Variants in PRKAR1A observed in about 807,000 individuals in gnomAD.
PRKAR1A encodes protein kinase cAMP-dependent type I regulatory subunit alpha, also known as cAMP-dependent protein kinase type I-alpha regulatory subunit.
A neutral mutation model predicts 52.0 loss-of-function variants in PRKAR1A; 3 were observed. The ratio of observed to expected loss-of-function variants is 0.06; its 90% CI spans 0.03 to 0.15. The LOEUF (loss-of-function observed/expected upper bound fraction) is 0.15, where lower values mean the gene tolerates loss of function less well. Ranked by LOEUF, PRKAR1A falls within the 10% of genes least tolerant of loss-of-function variation. The pLI is 1.00. For missense variants in PRKAR1A, 240 were observed against 477.4 expected (o/e 0.50, Z 4.63); for synonymous variants, 188 against 168.4 (o/e 1.12, Z -0.90).
chr17:68,529,210 G>C (rs2085887932), intron 9 of PRKAR1A, among the ~76,000 whole-genome samples: 1 of 152,060 alleles, frequency 6.6e-6, no homozygotes, highest in South Asian at 2.1e-4. Flanking sequence ...AAATGAGTTT[G>C]AGTCAGAATT....
the PRKAR1A span, chr17:68,426,253 G>GGGGGGGGGGGGGA: frequency 1.2e-6 from 1 of 841,018 alleles, no homozygotes. Context: ...GGGGAGCGGG[G>GGGGGGGGGGGGGA]GCTCAAATAA....
At chr17:68,534,560 C>CTTTTTTTTTTTTTTTTTGCT (rs2086052986), downstream of PRKAR1A, among the ~76,000 whole-genome samples, 1 of 111,054 alleles carries the variant, frequency 9.0e-6, no homozygotes, top group South Asian at 3.0e-4. Flanking sequence ...TTTTTAGTGC[C>CTTTTTTTTTTTTTTTTTGCT]TTTTTTTTTT....
At chr17:68,527,664 C>A in intron 7 of PRKAR1A, 176 bp from the exon 8 acceptor site, 1 of 581,812 alleles carries the variant, frequency 1.7e-6, no homozygotes, top group Non-Finnish European at 3.0e-6. Context: ...TCATATCATT[C>A]ATTACCTGTA....
At chr17:68,447,255 T>A in the PRKAR1A span, among the ~76,000 whole-genome samples, 1 of 152,218 alleles carries the variant, frequency 6.6e-6, no homozygotes, top group Non-Finnish European at 1.5e-5. Flanking sequence ...AGTATGCAAA[T>A]CTAAATACAT....
chr17:68,542,660 C>T, intron 11 of PRKAR1A: 1 of 1,545,976 alleles, frequency 6.5e-7, no homozygotes, highest in Non-Finnish European at 8.9e-7. Context: ...ACGATCTACT[C>T]AGACCCGGAA....
chr17:68,419,345 G>A, the PRKAR1A span, among the ~76,000 whole-genome samples: 2 of 152,202 alleles, frequency 1.3e-5, no homozygotes, highest in African/African-American at 4.8e-5. Flanking sequence ...CAGATCATGA[G>A]GTTAGGAGTT....
the PRKAR1A span, among the ~76,000 whole-genome samples, chr17:68,463,714 G>A: frequency 4.9e-4 from 74 of 152,314 alleles, 1 homozygote; most frequent in African/African-American, 1.6e-3. Flanking sequence ...AGCAGGTTAT[G>A]CAGTCATATG....
chr17:68,457,455 C>A, the PRKAR1A span: 1 of 1,462,968 alleles, frequency 6.8e-7, no homozygotes, highest in Non-Finnish European at 9.0e-7. Flanking sequence ...CAGCTCGGAG[C>A]CGGCGACAGC....
the PRKAR1A span, chr17:68,430,084 G>C: frequency 6.2e-7 from 1 of 1,614,012 alleles, no homozygotes; most frequent in Non-Finnish European, 8.5e-7. Context: ...TCTGACACCT[G>C]GGTAGGGAGG....
chr17:68,483,802 G>C, the PRKAR1A span, among the ~76,000 whole-genome samples: 1 of 151,358 alleles, frequency 6.6e-6, no homozygotes, highest in Admixed American at 6.6e-5. Flanking sequence ...TGGAGGTTGC[G>C]GTGAGCTGAA....
chr17:68,506,417 A>T, the PRKAR1A span, among the ~76,000 whole-genome samples: 4 of 103,434 alleles, frequency 3.9e-5, no homozygotes, highest in African/African-American at 1.1e-4. Flanking sequence ...CCCCAATCCC[A>T]CCCCCATAAT....
chr17:68,452,448 T>C, the PRKAR1A span, among the ~76,000 whole-genome samples: 15 of 152,060 alleles, frequency 9.9e-5, no homozygotes, highest in Admixed American at 2.6e-4. Flanking sequence ...GCCTGTAATC[T>C]CATCTACTTG....
chr17:68,549,104 A>G (rs546218337), intron 11 of PRKAR1A, among the ~76,000 whole-genome samples: 1 of 152,332 alleles, frequency 6.6e-6, no homozygotes, highest in South Asian at 2.1e-4. Flanking sequence ...TTTTCCTGCA[A>G]AGGAAATGCT....
At chr17:68,459,130 TTA>T in the PRKAR1A span, among the ~76,000 whole-genome samples, 3 of 152,194 alleles carry the variant, frequency 2.0e-5, no homozygotes, top group East Asian at 5.8e-4. Context: ...TTCACAGATG[TTA>T]TTGCTCTTTG....
the PRKAR1A span, chr17:68,427,663 G>A: frequency 6.1e-6 from 1 of 164,078 alleles, no homozygotes; most frequent in African/African-American, 2.4e-5. Flanking sequence ...AGGATGAGCT[G>A]AAGTGACCTG....
the PRKAR1A span, among the ~76,000 whole-genome samples, chr17:68,479,859 A>G: frequency 6.6e-6 from 1 of 152,226 alleles, no homozygotes; most frequent in African/African-American, 2.4e-5. Context: ...TCATGGTAGA[A>G]GGGGAAGAAA....
At chr17:68,464,698 AC>A in the PRKAR1A span, among the ~76,000 whole-genome samples, 2,066 of 32,492 alleles carry the variant, frequency 0.064, 67 homozygotes, top group African/African-American at 0.21. Flanking sequence ...AAAAAAAAAA[AC>A]AAAAAAAACA....
the PRKAR1A span, among the ~76,000 whole-genome samples, chr17:68,415,259 T>A: frequency 6.6e-6 from 1 of 152,220 alleles, no homozygotes; most frequent in African/African-American, 2.4e-5. Flanking sequence ...TAAATTTCCA[T>A]CTTGATTTCA....
intron 2 of PRKAR1A, among the ~76,000 whole-genome samples, chr17:68,518,805 C>T (rs1344415137): frequency 1.3e-5 from 2 of 152,210 alleles, no homozygotes; most frequent in Non-Finnish European, 2.9e-5. Flanking sequence ...ATTGCTTTGT[C>T]AGGCTGCAAA....
Sources: allele counts gnomAD v4.1 joint callset (sites outside exome capture counted in the v4.1 genomes callset), GRCh38; gene constraint gnomAD v4.1.1; transcripts MANE v1.5; gene names NCBI Gene and HGNC (gene_info 2026-07-23, HGNC 2026-07-21).